GABPB2: variants seen among roughly 807,000 people sequenced by gnomAD.
GABPB2 encodes the protein GA binding protein transcription factor subunit beta 2.
In GABPB2, 23 loss-of-function variants were observed where a neutral mutation model predicts 39.1. The observed-to-expected ratio is 0.59, with a 90% CI of 0.42 to 0.83. GABPB2 has a LOEUF of 0.83. Ranked by LOEUF, GABPB2 falls within the 40% of genes least tolerant of loss-of-function variation. The pLI, the probability that GABPB2 is intolerant of heterozygous loss-of-function variation, is 0.00. For missense variants in GABPB2, 467 were observed against 541.1 expected, an observed-to-expected ratio of 0.86 and a Z score of 1.36; for synonymous variants, 184 against 199.3, an observed-to-expected ratio of 0.92 and a Z score of 0.65.
intron 2 of GABPB2, among the ~76,000 whole-genome samples, chr1:151,089,396 A>G (rs1678477647): frequency 6.6e-6 from 1 of 152,228 alleles, no homozygotes. Flanking sequence ...GAGCATAACA[A>G]AAAGAAGGGA....
intron 1 of GABPB2, 104 bp from the exon 2 acceptor site, chr1:151,088,086 T>G: frequency 1.4e-6 from 1 of 736,786 alleles, no homozygotes; most frequent in Non-Finnish European, 2.3e-6. Context: ...TTGAGATGTA[T>G]CTTATATACA....
intron 1 of GABPB2, among the ~76,000 whole-genome samples, chr1:151,077,960 A>G (rs767741403): frequency 1.8e-4 from 27 of 148,790 alleles, no homozygotes; most frequent in Non-Finnish European, 3.3e-4. Flanking sequence ...TCAAAAAATA[A>G]TAATTTTCTT....
At chr1:151,093,857 G>T (rs773126611) in intron 4 of GABPB2, among the ~76,000 whole-genome samples, 5 of 151,712 alleles carry the variant, frequency 3.3e-5, no homozygotes, top group Admixed American at 6.6e-5. Context: ...GGTTACTTTG[G>T]ATCCATTTAT....
intron 8 of GABPB2, among the ~76,000 whole-genome samples, 197 bp downstream of exon 8, chr1:151,117,713 A>G (rs1337093252): frequency 6.6e-6 from 1 of 152,136 alleles, no homozygotes; most frequent in Non-Finnish European, 1.5e-5. Flanking sequence ...CCTCCTGAGT[A>G]GCTGGGATTA....
chr1:151,109,965 A>AGTAGATG (rs1440953931), intron 7 of GABPB2, among the ~76,000 whole-genome samples: 1 of 134,076 alleles, frequency 7.5e-6, no homozygotes, highest in Non-Finnish European at 1.6e-5. Flanking sequence ...CAGCCACCGG[A>AGTAGATG]GTAGATGGGA....
At chr1:151,113,469 C>CAA (rs959062545) in intron 7 of GABPB2, among the ~76,000 whole-genome samples, 2,084 of 63,172 alleles carry the variant, frequency 0.033, 75 homozygotes, top group African/African-American at 0.1. Context: ...ACTCCAACTG[C>CAA]AAAAAAAAAA....
chr1:151,099,780 C>A (rs1367754067), intron 5 of GABPB2, among the ~76,000 whole-genome samples: 1 of 152,152 alleles, frequency 6.6e-6, no homozygotes, highest in African/African-American at 2.4e-5. Context: ...AGCTGCTTAA[C>A]CCTAGGAAAA....
At chr1:151,104,774 T>A (rs866680051) in intron 6 of GABPB2, among the ~76,000 whole-genome samples, 1 of 91,970 alleles carries the variant, frequency 1.1e-5, no homozygotes, top group Non-Finnish European at 2.2e-5. Flanking sequence ...TCTTTCTTTC[T>A]CTCTTTCTTT....
At chr1:151,101,214 C>T (rs1299730605) in intron 5 of GABPB2, among the ~76,000 whole-genome samples, 1 of 152,016 alleles carries the variant, frequency 6.6e-6, no homozygotes, top group African/African-American at 2.4e-5. Flanking sequence ...GATTGTACCA[C>T]TGCACTGCAG....
At chr1:151,084,595 C>T (rs587728607) in intron 1 of GABPB2, among the ~76,000 whole-genome samples, 3 of 127,136 alleles carry the variant, frequency 2.4e-5, no homozygotes, top group East Asian at 2.4e-4. Flanking sequence ...AGTGCAGTGG[C>T]GCAGTCTCGG....
At chr1:151,110,614 C>T (rs897076582) in intron 7 of GABPB2, among the ~76,000 whole-genome samples, 5 of 152,042 alleles carry the variant, frequency 3.3e-5, no homozygotes, top group African/African-American at 1.2e-4. Flanking sequence ...GTGCAAGCCA[C>T]CACACCCAGC....
intron 1 of GABPB2, among the ~76,000 whole-genome samples, chr1:151,079,536 G>C (rs1159252960): frequency 1.3e-5 from 2 of 152,028 alleles, no homozygotes; most frequent in East Asian, 3.9e-4. Flanking sequence ...GTGAGACCCT[G>C]TCTCAGTAAA....
intron 2 of GABPB2, among the ~76,000 whole-genome samples, chr1:151,089,794 C>A (rs1396092406): frequency 1.3e-5 from 2 of 151,880 alleles, no homozygotes; most frequent in Non-Finnish European, 2.9e-5. Flanking sequence ...CCAGCCTGAT[C>A]CTTTTTTTGT....
chr1:151,117,085 G>A (rs1264815452), intron 7 of GABPB2, among the ~76,000 whole-genome samples: 2 of 152,056 alleles, frequency 1.3e-5, no homozygotes, highest in Admixed American at 1.3e-4. Flanking sequence ...TCCCTGAAGG[G>A]CCATGCCTTA....
intron 5 of GABPB2, among the ~76,000 whole-genome samples, chr1:151,103,166 C>T (rs1679676114): frequency 6.7e-6 from 1 of 149,646 alleles, no homozygotes; most frequent in African/African-American, 2.5e-5. Flanking sequence ...TCTTCTGCCT[C>T]AGCCTCCCAA....
intron 3 of GABPB2, among the ~76,000 whole-genome samples, chr1:151,091,410 T>A (rs903527872): frequency 1.7e-5 from 2 of 120,304 alleles, no homozygotes; most frequent in Non-Finnish European, 3.3e-5. Flanking sequence ...ATTAAAACAA[T>A]TTTTTTTTTT....
chr1:151,077,052 C>G (rs587604172), intron 1 of GABPB2, among the ~76,000 whole-genome samples: 6 of 152,230 alleles, frequency 3.9e-5, no homozygotes, highest in Admixed American at 3.3e-4. Flanking sequence ...CTGGGCCTCC[C>G]AAAGTGCTGG....
chr1:151,109,527 T>A (rs998609651), intron 7 of GABPB2, among the ~76,000 whole-genome samples: 70 of 149,886 alleles, frequency 4.7e-4, no homozygotes, highest in Non-Finnish European at 6.7e-4. Context: ...CCCGGCTAAT[T>A]TTTTTGTATT....
At chr1:151,075,736 A>G (rs1260642617) in intron 1 of GABPB2, among the ~76,000 whole-genome samples, 1 of 151,898 alleles carries the variant, frequency 6.6e-6, no homozygotes, top group African/African-American at 2.4e-5. Flanking sequence ...AAAAACCCAA[A>G]AAAACACAAA....
Sources: gnomAD v4.1 joint callset for allele counts (sites outside exome capture counted in the v4.1 genomes callset) on GRCh38, gnomAD v4.1.1 for gene constraint, MANE v1.5 for transcripts, NCBI Gene and HGNC (gene_info 2026-07-23, HGNC 2026-07-21) for gene names.